Variants in SLC25A33 observed in about 807,000 individuals in gnomAD.
SLC25A33 encodes bone marrow stromal cell mitochondrial carrier protein.
SLC25A33 carries 15 observed loss-of-function variants against 35.5 expected under a neutral mutation model. That is an observed-to-expected ratio of 0.42 (90% CI 0.28 to 0.65). The LOEUF (loss-of-function observed/expected upper bound fraction) is 0.65. SLC25A33 is among the 30% of genes least tolerant of loss of function. The pLI is 0.20. For missense variants in SLC25A33, 257 were observed against 398.5 expected (o/e 0.64, Z 3.02); for synonymous variants, 136 against 148.7 (o/e 0.91, Z 0.62).
In SLC25A33 at chr1:9,573,377, A is replaced by G. The variant is rs747388206; in HGVS notation, c.447A>G (p.Ile149Met). The G allele has an allele frequency of 6.2e-7, 1 of 1,610,734 alleles. No homozygotes were observed. The highest frequency in any genetic ancestry group is 8.5e-7 in the Non-Finnish European group (1 of 1,178,564). Residue 149 changes from isoleucine (I) to methionine (M), a missense_variant, in exon 5 of 7, where the codon ATA becomes ATG. Coordinates refer to ENST00000302692, the MANE Select transcript of SLC25A33 (RefSeq NM_032315.3). ...AFITNSLMNP[I>M]WMVKTRMQLE... The stretch of plus-strand genomic sequence containing the variant: ...TCACAAATTCCTTAATGAATCCTAT[A>G]TGGATGGTTAAAACCCGAATGCAGC...
intron 1 of SLC25A33, among the ~76,000 whole-genome samples, chr1:9,542,944 G>A (rs552182050): frequency 4.6e-5 from 7 of 151,202 alleles, no homozygotes; most frequent in Non-Finnish European, 1.0e-4. Context: ...CAGCCTCCCC[G>A]GTAGCTGGGA....
chr1:9,547,451 G>GAA (rs112917804), intron 1 of SLC25A33, among the ~76,000 whole-genome samples: 4 of 128,750 alleles, frequency 3.1e-5, no homozygotes, highest in Non-Finnish European at 5.1e-5. Flanking sequence ...TCTCAAAAGA[G>GAA]AAAAAAAAAA....
chr1:9,565,174 G>A (rs1643483656), intron 2 of SLC25A33, among the ~76,000 whole-genome samples: 1 of 152,116 alleles, frequency 6.6e-6, no homozygotes, highest in Non-Finnish European at 1.5e-5. Context: ...GGAGGTAGAT[G>A]GTGGTGATGG....
Position 9,553,796 on chromosome 1 carries a change from A to G in SLC25A33, c.227A>G (p.Gln76Arg), listed in dbSNP as rs1390024274. 1.4e-5 allele frequency: 23 copies of G among 1,613,508 alleles called. No individual in the cohort carries two copies. Among genetic ancestry groups the G allele is most frequent in the African/African-American group, 2.7e-5 (2 of 74,918 alleles). The change falls in exon 2 of 7, where the codon CAG (glutamine) becomes CGG (arginine). Residue 76 changes from glutamine to arginine, a missense_variant. Physicochemically the swap from Gln to Arg is conservative, Grantham distance 43. Coordinates refer to ENST00000302692, the MANE Select transcript of SLC25A33 (RefSeq NM_032315.3). ...RPTSVTPGLF[Q>R]VLKSILEKEG... ...ACATCCGTGACACCTGGACTCTTTC[A>G]GGTTCTGAAGTAAGTTCAGTCTTGT... is the stretch of plus-strand genomic sequence containing the variant.
intron 2 of SLC25A33, among the ~76,000 whole-genome samples, chr1:9,554,856 A>G (rs1211392492): frequency 6.6e-6 from 1 of 152,298 alleles, no homozygotes; most frequent in Middle Eastern, 3.4e-3. Context: ...GCATAAGGTA[A>G]AATCAAATTC....
Position 9,582,114 on chromosome 1 carries a change from A to G in SLC25A33, c.764-185A>G, listed in dbSNP as rs557823569. On this transcript the variant is annotated intron_variant, in intron 6 of 6. Transcript: ENST00000302692. The surrounding 1 kb of genome is among the most constrained non-coding windows in gnomAD (Gnocchi z 4.0). ...TTTTCAGTAGAGACGGGGTTTCACC[A>G]TGTTGGCCAGGCTGGTCTCCAACTC... Among the ~76,000 whole-genome samples, 5 of 152,188 alleles carry G rather than the reference A, an allele frequency of 3.3e-5. No individual in the cohort carries two copies. Among genetic ancestry groups the G allele is most frequent in the African/African-American group, 1.2e-4 (5 of 41,518 alleles).
At chr1:9,541,652 A>G (rs1461165855) in intron 1 of SLC25A33, among the ~76,000 whole-genome samples, 1 of 149,320 alleles carries the variant, frequency 6.7e-6, no homozygotes, top group Non-Finnish European at 1.5e-5. Context: ...CTCTATATAA[A>G]TTTGTCTTTC....
chr1:9,556,655 A>G (rs1035231038), intron 2 of SLC25A33, among the ~76,000 whole-genome samples: 1 of 151,186 alleles, frequency 6.6e-6, no homozygotes, highest in East Asian at 1.9e-4. Flanking sequence ...AGCCCCCCCC[A>G]TAAGAGATTG....
At chr1:9,571,039 GTTTC>G (rs1389574428) in intron 4 of SLC25A33, among the ~76,000 whole-genome samples, 1 of 151,454 alleles carries the variant, frequency 6.6e-6, no homozygotes, top group Non-Finnish European at 1.5e-5. Context: ...TAAAATTAGA[GTTTC>G]TTTCTTCAGA....
At chr1:9,570,569 C>T (rs1238301165) in intron 4 of SLC25A33, among the ~76,000 whole-genome samples, 1 of 151,966 alleles carries the variant, frequency 6.6e-6, no homozygotes, top group African/African-American at 2.4e-5. Flanking sequence ...CTTTATTTGC[C>T]CTCAAAATGT....
chr1:9,572,349 C>T (rs191665781), intron 4 of SLC25A33, among the ~76,000 whole-genome samples: 3 of 152,290 alleles, frequency 2.0e-5, no homozygotes, highest in South Asian at 2.1e-4. Flanking sequence ...TGGTGGCTCA[C>T]GCCTGTAATC....
chr1:9,582,755 G>A lies in SLC25A33; in HGVS notation c.*254G>A. ...TTAAGCACCAACTAAATTAAATCATGCTATTTAATTTAAGTATACATTTGG... is the reference window on the plus strand; with the variant it reads ...TTAAGCACCAACTAAATTAAATCATACTATTTAATTTAAGTATACATTTGG... On this transcript the variant is annotated 3_prime_UTR_variant, in exon 7 of 7. Transcript: ENST00000302692. This position sits in a 1 kb window ranked among gnomAD's most constrained non-coding sequence, Gnocchi z 4.0. The A allele has an allele frequency of 2.2e-6, 1 of 457,948 alleles. No individual in the cohort carries two copies. The highest frequency in any genetic ancestry group is 2.9e-5 in the South Asian group (1 of 34,142). 28.4% of individuals were successfully genotyped at this position (457,948 alleles called of 1,614,324 possible). A position where few individuals can be genotyped will look rare whatever the true frequency, so the allele number is the denominator to read the frequency against.
chr1:9,551,449 T>C (rs1020844739), intron 1 of SLC25A33, among the ~76,000 whole-genome samples: 3 of 152,166 alleles, frequency 2.0e-5, no homozygotes, highest in Non-Finnish European at 2.9e-5. Context: ...TTTCAGAGTG[T>C]GCGTTAGGTA....
chr1:9,562,792 G>A (rs939629688), intron 2 of SLC25A33, among the ~76,000 whole-genome samples: 2 of 150,484 alleles, frequency 1.3e-5, no homozygotes, highest in African/African-American at 4.9e-5. Context: ...GGCAGAGGTT[G>A]TGGTGAGCCA....
At chr1:9,541,245 C>T (rs1266540777) in intron 1 of SLC25A33, among the ~76,000 whole-genome samples, 1 of 151,900 alleles carries the variant, frequency 6.6e-6, no homozygotes, top group Admixed American at 6.6e-5. Context: ...GCTCCGCCTC[C>T]CGGGTTCACG....
rs1643762054 is a variant in SLC25A33, at chr1:9,582,627, C to T, written c.*126C>T. The T allele has an allele frequency of 1.2e-6, 1 of 845,938 alleles. No homozygotes were observed. 52.4% of individuals were successfully genotyped at this position (845,938 alleles called of 1,614,324 possible). A position where few individuals can be genotyped will look rare whatever the true frequency, so the allele number is the denominator to read the frequency against. ...GCCATAAAATATCTGGTTCATATCA[C>T]CTGTTGGACATTTCCTTTTGGATTC... On this transcript the variant is annotated 3_prime_UTR_variant, in exon 7 of 7. Transcript: ENST00000302692. The surrounding 1 kb of genome is among the most constrained non-coding windows in gnomAD (Gnocchi z 4.0).
At chr1:9,561,943 CTTGAACCCTTAAAAGAGCAATACTGT>C (rs1643428467) in intron 2 of SLC25A33, among the ~76,000 whole-genome samples, 2 of 151,754 alleles carry the variant, frequency 1.3e-5, no homozygotes, top group African/African-American at 4.8e-5. Context: ...AGCAATACTG[CTTGAACCCTTAAAAGAGCAATACTGT>C]TTGAACCCGG....
At chr1:9,567,461 C>T in intron 3 of SLC25A33, 100 bp downstream of exon 3, 1 of 1,129,960 alleles carries the variant, frequency 8.8e-7, no homozygotes, top group Non-Finnish European at 1.3e-6. Context: ...GTGTCTTTTT[C>T]TATGTTGGAT....
chr1:9,566,507 C>T lies in SLC25A33; in HGVS notation c.237-777C>T, dbSNP rs1643508045. ...TGGCACCCTCTGCCAGATACTCATC[C>T]TGCTTTCACAGGATTTCATTGTATA... On this transcript the variant is annotated intron_variant, in intron 2 of 6. Coordinates refer to ENST00000302692, the MANE Select transcript of SLC25A33 (RefSeq NM_032315.3). 3.3e-5 allele frequency among the ~76,000 whole-genome samples: 5 copies of T among 152,266 alleles called. No individual in the cohort carries two copies. In the South Asian group the frequency reaches 1.0e-3, roughly 32 times the overall value.
Sources: allele counts gnomAD v4.1 joint callset (sites outside exome capture counted in the v4.1 genomes callset), GRCh38; gene constraint gnomAD v4.1.1; non-coding constraint Gnocchi (gnomAD v3.1); transcripts MANE v1.5; gene names NCBI Gene and HGNC (gene_info 2026-07-23, HGNC 2026-07-21).